UTP25: variants seen among roughly 807,000 people sequenced by gnomAD.
The protein encoded by UTP25 is U3 small nucleolar RNA-associated protein 25 homolog.
In UTP25, 50 loss-of-function variants were observed where a neutral mutation model predicts 78.9. That is an observed-to-expected ratio of 0.63 (90% confidence interval 0.50 to 0.80). The LOEUF (loss-of-function observed/expected upper bound fraction) is 0.80. UTP25 is among the 30% of genes least tolerant of loss of function. The probability of loss-of-function intolerance (pLI) is 0.00; values close to 1 mark genes in which losing one functional copy is unlikely to be tolerated. For missense variants in UTP25, 846 were observed against 911.3 expected (o/e 0.93, Z 0.92); for synonymous variants, 329 against 336.5 (o/e 0.98, Z 0.24).
chr1:209,842,880 G>C lies in UTP25; in HGVS notation c.1781+185G>C, dbSNP rs1328804304. The C allele has an allele frequency of 6.7e-6, 4 of 596,470 alleles. No individual in the cohort carries two copies. The East Asian group carries it at 1.1e-4, about 17-fold the overall frequency. The allele number at this position is 596,470 out of a possible 1,614,324, so 36.9% of individuals were successfully genotyped here. A position where few individuals can be genotyped will look rare whatever the true frequency, so the allele number is the denominator to read the frequency against. ...AGCACAGAGAGAAATAGTGACTTTG[G>C]CCTAGGTCTCATAACTAGTTAGTAG... On this transcript the variant is annotated intron_variant, in intron 10 of 11. Transcript: ENST00000491415.
At chr1:209,845,939 G>A (rs577129090) in intron 11 of UTP25, among the ~76,000 whole-genome samples, 36 of 146,728 alleles carry the variant, frequency 2.5e-4, no homozygotes, top group East Asian at 1.0e-3. Context: ...CCGCTGCAGC[G>A]TCTGCCTCTT....
chr1:209,828,292 C>G, intron 1 of UTP25, 122 bp downstream of exon 1: 1 of 743,866 alleles, frequency 1.3e-6, no homozygotes, highest in Non-Finnish European at 2.2e-6. Context: ...CCGCTGTGCT[C>G]GGCCGGGGAG....
intron 4 of UTP25, 34 bp from the exon 5 acceptor site, chr1:209,835,041 C>T (rs1558052402): frequency 6.4e-7 from 1 of 1,559,002 alleles, no homozygotes; most frequent in African/African-American, 1.4e-5. Context: ...TCTGTAGTTG[C>T]ATAGTGTGCT....
In UTP25 at chr1:209,851,268, A is replaced by G. The variant is rs769170961; in HGVS notation, c.2092A>G (p.Ser698Gly). 4 of 1,614,070 alleles carry G rather than the reference A, an allele frequency of 2.5e-6. No homozygotes were observed. The highest frequency in any genetic ancestry group is 1.3e-5 in the African/African-American group (1 of 74,924). Reference protein sequence around the residue: ...YELPTYPHFYSEICNMLRATN... With the variant: ...YELPTYPHFYGEICNMLRATN... ...ACTGCCGACATATCCACACTTTTAC[A>G]GTGAAATCTGTAATATGCTGAGAGC... Residue 698 changes from serine to glycine, a missense_variant, in exon 12 of 12, where the codon AGT becomes GGT. Coordinates refer to ENST00000491415, the MANE Select transcript of UTP25 (RefSeq NM_014388.7).
rs1029018334 is a variant in UTP25, at chr1:209,851,218, G to C, written c.2042G>C (p.Gly681Ala). The change falls in exon 12 of 12, where the codon GGC (glycine) becomes GCC (alanine). Residue 681 changes from glycine (G) to alanine (A), a missense_variant. By Grantham distance (60) the Gly-to-Ala change is moderately conservative (BLOSUM62 0). Transcript: ENST00000491415. ...FHFYKRYTIKGIRNLIFYELP... is the reference protein window; with the variant it reads ...FHFYKRYTIKAIRNLIFYELP... ...AATTCTGACAGGTATACAATAAAAG[G>C]CATCAGGAACCTGATTTTCTATGAA... 4 of 1,613,078 alleles carry C rather than the reference G, an allele frequency of 2.5e-6. No individual in the cohort carries two copies. Among genetic ancestry groups the C allele is most frequent in the East Asian group, 2.2e-5 (1 of 44,872 alleles).
chr1:209,839,098 G>A lies in UTP25; in HGVS notation c.1252G>A (p.Val418Met), dbSNP rs766928313. The A allele has an allele frequency of 5.6e-6, 9 of 1,613,416 alleles. No individual in the cohort carries two copies. The highest frequency in any genetic ancestry group is 1.7e-4 in the Middle Eastern group (1 of 6,056). The change falls in exon 7 of 12, where the codon GTG becomes ATG. Residue 418 changes from valine (V) to methionine (M), a missense_variant. Transcript: ENST00000491415. Reference sequence around the variant, plus strand: ...GCCTGAGGATTATGAAGCCGTATTTGTGGGCAATATTGATGACCACTTCAG... The same window carrying A: ...GCCTGAGGATTATGAAGCCGTATTTATGGGCAATATTGATGACCACTTCAG... Reference protein sequence around the residue: ...KRPEDYEAVFVGNIDDHFRIG... With the variant: ...KRPEDYEAVFMGNIDDHFRIG...
intron 1 of UTP25, among the ~76,000 whole-genome samples, chr1:209,828,867 G>A (rs1387943318): frequency 6.6e-6 from 1 of 150,836 alleles, no homozygotes; most frequent in East Asian, 1.9e-4. Context: ...CCGTCTCCCG[G>A]GCTTAAGCGA....
intron 10 of UTP25, chr1:209,842,945 C>T (rs2078175934): frequency 1.1e-5 from 5 of 471,616 alleles, no homozygotes; most frequent in Admixed American, 3.8e-5. Flanking sequence ...TCACTCTTGA[C>T]TGTGGCATTT....
rs1293245950 is a variant in UTP25, at chr1:209,852,988, C to A, written c.*1541C>A. 2 of 152,134 alleles carry A rather than the reference C, an allele frequency of 1.3e-5. No homozygotes were observed. Among genetic ancestry groups the A allele is most frequent in the African/African-American group, 2.4e-5 (1 of 41,424 alleles). 9.4% of individuals were successfully genotyped at this position (152,134 alleles called of 1,614,324 possible). ...GCTCCCATTATCCTCAATGTAATAA[C>A]CCATGATTGGTACAGATTTTTTTTA... is the stretch of plus-strand genomic sequence containing the variant. On this transcript the variant is annotated 3_prime_UTR_variant, in exon 12 of 12. Coordinates refer to ENST00000491415, the MANE Select transcript of UTP25 (RefSeq NM_014388.7).
In UTP25 at chr1:209,839,045, C is replaced by G; in HGVS notation, c.1199C>G (p.Pro400Arg). ...KRFQGEYGSD[P>R]EERPPNLKRP... is the part of the protein sequence containing the mutation. ...TTTCAGGGAGAATATGGATCAGATC[C>G]CGAGGAGAGACCACCCAACTTGAAG... The change falls in exon 7 of 12, where the codon CCC (proline) becomes CGC (arginine). Residue 400 changes from proline to arginine, a missense_variant. By Grantham distance (103) the Pro-to-Arg change is moderately radical. Coordinates refer to ENST00000491415, the MANE Select transcript of UTP25 (RefSeq NM_014388.7). 6.2e-7 allele frequency: 1 copy of G among 1,614,018 alleles called. No individual in the cohort carries two copies. The highest frequency in any genetic ancestry group is 1.1e-5 in the South Asian group (1 of 91,072).
chr1:209,842,885 G>C (rs773924151), intron 10 of UTP25, 190 bp downstream of exon 10: 15 of 592,758 alleles, frequency 2.5e-5, no homozygotes, highest in Non-Finnish European at 4.2e-5. Context: ...CTTTGGCCTA[G>C]GTCTCATAAC....
intron 11 of UTP25, among the ~76,000 whole-genome samples, chr1:209,847,920 A>G (rs1008325276): frequency 6.6e-6 from 1 of 152,240 alleles, no homozygotes; most frequent in Non-Finnish European, 1.5e-5. Flanking sequence ...CATCCAGAAT[A>G]ACTCTCTTGC....
rs1173956244 is a variant in UTP25, at chr1:209,855,475, C to T, written c.*4028C>T. ...GGCCTTTTTCAAACAAACTGGTTTT[C>T]TCAGTATAGCCCTATGCTCAAAAGG... On this transcript the variant is annotated 3_prime_UTR_variant, in exon 12 of 12. Transcript: ENST00000491415. The T allele has an allele frequency of 6.6e-6, 1 of 152,252 alleles. No individual in the cohort carries two copies. Among genetic ancestry groups the T allele is most frequent in the Admixed American group, 6.5e-5 (1 of 15,280 alleles). 9.4% of individuals were successfully genotyped at this position (152,252 alleles called of 1,614,324 possible).
chr1:209,832,849 A>C (rs1336978221), intron 3 of UTP25, among the ~76,000 whole-genome samples: 1 of 152,208 alleles, frequency 6.6e-6, no homozygotes, highest in East Asian at 1.9e-4. Context: ...ACACCACTGC[A>C]CTGCAGCCTG....
At position 209,843,101 on chromosome 1, in the gene UTP25, G is replaced by C. The variant is rs2078176865; in HGVS notation, c.1782-350G>C. The C allele has an allele frequency of 8.6e-6, 3 of 349,012 alleles. No individual in the cohort carries two copies. The Admixed American group carries it at 1.4e-4, about 16-fold the overall frequency. The allele number at this position is 349,012 out of a possible 1,614,324, so 21.6% of individuals were successfully genotyped here. A position where few individuals can be genotyped will look rare whatever the true frequency, so the allele number is the denominator to read the frequency against. On this transcript the variant is annotated intron_variant, in intron 10 of 11. Transcript: ENST00000491415. The stretch of plus-strand genomic sequence containing the variant: ...TTAGGGGACCCCAAAGAAGCTTAGT[G>C]AGGCTTAGTATATGGTAGATGTTCA...
chr1:209,845,642 C>T (rs1255806751), intron 11 of UTP25, among the ~76,000 whole-genome samples: 1 of 152,100 alleles, frequency 6.6e-6, no homozygotes, highest in Non-Finnish European at 1.5e-5. Flanking sequence ...TTGCTTTATG[C>T]CCTGGGCCAG....
chr1:209,836,915 A>C lies in UTP25; in HGVS notation c.766A>C (p.Thr256Pro). 1 of 1,614,152 alleles carries C rather than the reference A, an allele frequency of 6.2e-7. No individual in the cohort carries two copies. Among genetic ancestry groups the C allele is most frequent in the Non-Finnish European group, 8.5e-7 (1 of 1,180,014 alleles). The change falls in exon 6 of 12, where the codon ACC becomes CCC. Residue 256 changes from threonine (T) to proline (P), a missense_variant. Coordinates refer to ENST00000491415, the MANE Select transcript of UTP25 (RefSeq NM_014388.7). ...SLHLQKPLES[T>P]WTKTNSQFLS... ...TCATCTCCAGAAGCCTCTGGAATCCACCTGGACTAAGACCAACAGCCAGTT... is the reference window on the plus strand; with the variant it reads ...TCATCTCCAGAAGCCTCTGGAATCCCCCTGGACTAAGACCAACAGCCAGTT...
chr1:209,843,726 C>T, intron 11 of UTP25, 30 bp downstream of exon 11: 2 of 1,603,574 alleles, frequency 1.2e-6, no homozygotes, highest in Non-Finnish European at 1.7e-6. Flanking sequence ...CAAGCCTCCT[C>T]TCTGAAGGGG....
At chr1:209,837,240 G>A (rs761757404) in intron 6 of UTP25, 29 bp downstream of exon 6, 40 of 1,598,328 alleles carry the variant, frequency 2.5e-5, no homozygotes, top group South Asian at 1.9e-4. Context: ...CTTTGCTCTC[G>A]AGGAGGTGGC....
Sources: gnomAD v4.1 joint callset for allele counts (sites outside exome capture counted in the v4.1 genomes callset) on GRCh38, gnomAD v4.1.1 for gene constraint, MANE v1.5 for transcripts, NCBI Gene and HGNC (gene_info 2026-07-23, HGNC 2026-07-21) for gene names.